Variants in CCDC85A observed in about 807,000 individuals in gnomAD.
The protein encoded by CCDC85A is coiled-coil domain containing 85A, also known as coiled-coil domain-containing protein 85A.
Under a neutral mutation model 50.2 loss-of-function variants are expected in CCDC85A, and 38 were observed. The observed-to-expected ratio is 0.76, with a 90% confidence interval of 0.58 to 0.99. The LOEUF is 0.99. Ranked by LOEUF, CCDC85A falls within the 50% of genes least tolerant of loss-of-function variation. CCDC85A has a pLI of 0.00. For synonymous variants in CCDC85A, 366 were observed against 301.4 expected (o/e 1.21, Z -2.22); for missense variants, 820 against 742.0 (o/e 1.11, Z -1.22).
At chr2:56,232,244 T>G (rs539719953) in intron 2 of CCDC85A, among the ~76,000 whole-genome samples, 1 of 152,146 alleles carries the variant, frequency 6.6e-6, no homozygotes, top group African/African-American at 2.4e-5. Context: ...GCATCTGAAA[T>G]GTAACATGCC....
chr2:56,244,357 C>T lies in CCDC85A; in HGVS notation c.1240+50917C>T, dbSNP rs557245278. 5.9e-5 allele frequency among the ~76,000 whole-genome samples: 9 copies of T among 152,186 alleles called. No individual in the cohort carries two copies. In the East Asian group the frequency reaches 1.2e-3, roughly 20 times the overall value. ...CCTATGCCTACCACCACTGCAGGCCCGTGGGAAGTACTGCCAGGGTACCAC... is the reference window on the plus strand; with the variant it reads ...CCTATGCCTACCACCACTGCAGGCCTGTGGGAAGTACTGCCAGGGTACCAC... On this transcript the variant is annotated intron_variant, in intron 2 of 5. Transcript: ENST00000407595.
chr2:56,370,749 G>A (rs914840190), intron 3 of CCDC85A, among the ~76,000 whole-genome samples: 16 of 152,216 alleles, frequency 1.1e-4, no homozygotes, highest in African/African-American at 3.9e-4. Context: ...TGGGTATGAT[G>A]ATAAGCTTTG....
chr2:56,258,372 G>T (rs1670076067), intron 2 of CCDC85A, among the ~76,000 whole-genome samples: 1 of 152,292 alleles, frequency 6.6e-6, no homozygotes, highest in Middle Eastern at 3.4e-3. Context: ...GGGTGAGAGG[G>T]TGGTATAAAA....
At chr2:56,221,884 G>A (rs529370115) in intron 2 of CCDC85A, among the ~76,000 whole-genome samples, 5 of 152,180 alleles carry the variant, frequency 3.3e-5, no homozygotes, top group African/African-American at 1.2e-4. Flanking sequence ...TGGAGGCTGG[G>A]AAGTCCAAGA....
rs757976295 is a variant in CCDC85A at position 56,384,350 on chromosome 2, A to G, written c.1657A>G (p.Met553Val). 6.2e-7 allele frequency: 1 copy of G among 1,610,636 alleles called. No homozygotes were observed. Among genetic ancestry groups the G allele is most frequent in the East Asian group, 2.2e-5 (1 of 44,780 alleles). The change falls in exon 6 of 6, where the codon ATG (methionine) becomes GTG (valine). Residue 553 changes from methionine to valine, a missense_variant. Met to Val is a conservative substitution (Grantham distance 21, BLOSUM62 1). Coordinates refer to ENST00000407595, the MANE Select transcript of CCDC85A (RefSeq NM_001080433.2). ...HLSGNQYKGP[M>V] ...GTCAGGAAACCAGTACAAAGGACCAATGTGAGATGCACTCTTTTTCAAACA... is the reference window on the plus strand; with the variant it reads ...GTCAGGAAACCAGTACAAAGGACCAGTGTGAGATGCACTCTTTTTCAAACA...
At chr2:56,267,123 T>G (rs1670484841) in intron 2 of CCDC85A, among the ~76,000 whole-genome samples, 1 of 152,172 alleles carries the variant, frequency 6.6e-6, no homozygotes. Flanking sequence ...TTGTGATATT[T>G]CCAACTGAGA....
intron 2 of CCDC85A, among the ~76,000 whole-genome samples, chr2:56,312,000 G>C (rs1558635483): frequency 6.6e-6 from 1 of 152,112 alleles, no homozygotes; most frequent in East Asian, 1.9e-4. Context: ...ATAAACTGGA[G>C]GCTACAGTAG....
intron 2 of CCDC85A, among the ~76,000 whole-genome samples, chr2:56,251,103 C>G (rs546749922): frequency 6.6e-6 from 1 of 152,274 alleles, no homozygotes; most frequent in African/African-American, 2.4e-5. Context: ...TTCTTTCCTC[C>G]CCCAGAGGTA....
chr2:56,384,669 G>C lies in CCDC85A; in HGVS notation c.*314G>C, dbSNP rs960487898. ...AGAAATAAGTGTTTTTAACTCCCCA[G>C]ATATAATATTGTAATTGGGAAACCT... On this transcript the variant is annotated 3_prime_UTR_variant, in exon 6 of 6. Coordinates refer to ENST00000407595, the MANE Select transcript of CCDC85A (RefSeq NM_001080433.2). The C allele has an allele frequency of 1.3e-5, 3 of 235,772 alleles. No individual in the cohort carries two copies. Among genetic ancestry groups the C allele is most frequent in the African/African-American group, 2.2e-5 (1 of 45,042 alleles). 14.6% of individuals were successfully genotyped at this position (235,772 alleles called of 1,614,324 possible).
intron 2 of CCDC85A, among the ~76,000 whole-genome samples, chr2:56,275,286 T>C (rs919127142): frequency 6.6e-6 from 1 of 152,180 alleles, no homozygotes; most frequent in Non-Finnish European, 1.5e-5. Flanking sequence ...TGTATTCATT[T>C]TTTAACATTT....
At chr2:56,379,176 A>G (rs577623429) in intron 5 of CCDC85A, among the ~76,000 whole-genome samples, 1 of 152,326 alleles carries the variant, frequency 6.6e-6, no homozygotes, top group South Asian at 2.1e-4. Flanking sequence ...ATAAGGAGCC[A>G]GTGCTTCTCT....
At chr2:56,285,497 ATAT>A (rs987831906) in intron 2 of CCDC85A, among the ~76,000 whole-genome samples, 52 of 131,294 alleles carry the variant, frequency 4.0e-4, no homozygotes, top group Admixed American at 6.6e-4. Flanking sequence ...TACATTAATA[ATAT>A]TATTATAGTA....
intron 2 of CCDC85A, among the ~76,000 whole-genome samples, chr2:56,206,088 G>A (rs935002953): frequency 2.0e-5 from 3 of 152,246 alleles, no homozygotes; most frequent in African/African-American, 7.2e-5. Flanking sequence ...AGATGAGTAG[G>A]TCTATGCTTA....
chr2:56,329,427 T>C (rs950992206), intron 2 of CCDC85A, among the ~76,000 whole-genome samples: 2 of 152,210 alleles, frequency 1.3e-5, no homozygotes, highest in Non-Finnish European at 2.9e-5. Flanking sequence ...ACATAGTTAG[T>C]ACTTAATAAA....
intron 2 of CCDC85A, among the ~76,000 whole-genome samples, chr2:56,229,466 C>T (rs534924415): frequency 5.9e-5 from 9 of 152,144 alleles, no homozygotes; most frequent in East Asian, 3.9e-4. Flanking sequence ...AGTGATTGCC[C>T]ACCATTTTAG....
intron 3 of CCDC85A, among the ~76,000 whole-genome samples, chr2:56,358,704 G>C (rs1318590482): frequency 6.6e-6 from 1 of 152,136 alleles, no homozygotes; most frequent in Non-Finnish European, 1.5e-5. Context: ...AACTCTGGCA[G>C]TAGTTTGCTG....
intron 2 of CCDC85A, among the ~76,000 whole-genome samples, chr2:56,312,216 C>T (rs763513278): frequency 1.4e-4 from 21 of 152,044 alleles, no homozygotes; most frequent in Non-Finnish European, 2.8e-4. Flanking sequence ...ATCAAGCACC[C>T]TGAGGGCAGC....
chr2:56,232,162 C>T (rs1355970063), intron 2 of CCDC85A, among the ~76,000 whole-genome samples: 1 of 152,044 alleles, frequency 6.6e-6, no homozygotes. Flanking sequence ...GTACCTATAG[C>T]CATGACTTTT....
intron 2 of CCDC85A, among the ~76,000 whole-genome samples, chr2:56,308,027 C>G (rs2104214599): frequency 6.6e-6 from 1 of 152,280 alleles, no homozygotes; most frequent in South Asian, 2.1e-4. Context: ...CTGAAGTTTA[C>G]CCCAATAGCT....
Sources: gnomAD v4.1 joint callset for allele counts (sites outside exome capture counted in the v4.1 genomes callset) on GRCh38, gnomAD v4.1.1 for gene constraint, MANE v1.5 for transcripts, NCBI Gene and HGNC (gene_info 2026-07-23, HGNC 2026-07-21) for gene names.